Variants in CABIN1 observed in about 807,000 individuals in gnomAD.
CABIN1 encodes the protein calcineurin binding protein 1, also known as calcineurin-binding protein cabin-1.
CABIN1 carries 133 observed loss-of-function variants against 227.7 expected under a neutral mutation model. That is an observed-to-expected ratio of 0.58 (90% CI 0.51 to 0.67). The LOEUF (loss-of-function observed/expected upper bound fraction) is 0.67. Among genes scored for constraint, CABIN1 ranks in the 30% least tolerant of loss-of-function variants. The pLI is 0.00. For synonymous variants in CABIN1, 1,086 were observed against 1,155.1 expected, an observed-to-expected ratio of 0.94 and a Z score of 1.21; for missense variants, 2,408 against 2,852.5, an observed-to-expected ratio of 0.84 and a Z score of 3.55.
intron 28 of CABIN1, among the ~76,000 whole-genome samples, chr22:24,131,911 C>T (rs1294192966): frequency 1.3e-5 from 2 of 152,080 alleles, no homozygotes; most frequent in African/African-American, 4.8e-5. Context: ...ACTAAAAATA[C>T]AAAAATTAGC....
intron 29 of CABIN1, among the ~76,000 whole-genome samples, chr22:24,146,850 A>G (rs2045149002): frequency 1.3e-5 from 2 of 152,164 alleles, no homozygotes; most frequent in South Asian, 2.1e-4. Flanking sequence ...TCATGATCCC[A>G]TGGAATCCCC....
intron 25 of CABIN1, among the ~76,000 whole-genome samples, chr22:24,097,064 T>G (rs1302331095): frequency 1.3e-5 from 2 of 152,234 alleles, no homozygotes; most frequent in African/African-American, 4.8e-5. Flanking sequence ...CGTCCATGCA[T>G]GGCAGGCCAC....
intron 5 of CABIN1, among the ~76,000 whole-genome samples, chr22:24,042,047 G>A (rs1755357365): frequency 6.6e-6 from 1 of 152,174 alleles, no homozygotes; most frequent in South Asian, 2.1e-4. Context: ...GACTTCCCAG[G>A]CTCAAACGAT....
At chr22:24,085,378 G>T (rs770109331) in intron 22 of CABIN1, among the ~76,000 whole-genome samples, 5 of 152,208 alleles carry the variant, frequency 3.3e-5, no homozygotes, top group Non-Finnish European at 7.3e-5. Context: ...CCTCTGGGAG[G>T]GTTATTGGTA....
chr22:24,084,714 G>C lies in CABIN1; in HGVS notation c.3046G>C (p.Val1016Leu). ...ANLLKRIATI[V>L]PRTERPALSL... ...CCTACTGAAGAGAATTGCCACCATT[G>C]TGCCTCGCACAGAGAGGCCAGCCCT... is the stretch of plus-strand genomic sequence containing the variant. The change falls in exon 21 of 37, where the codon GTG becomes CTG. Residue 1016 changes from valine to leucine, a missense_variant. Val to Leu is a conservative substitution (Grantham distance 32). This residue lies in a region of CABIN1 where 649 missense variants were observed against 910.3 expected (regional missense o/e 0.71). Coordinates refer to ENST00000263119, the MANE Select transcript of CABIN1 (RefSeq NM_012295.4). 1 of 1,614,180 alleles carries C rather than the reference G, an allele frequency of 6.2e-7. No individual in the cohort carries two copies. Among genetic ancestry groups the C allele is most frequent in the Non-Finnish European group, 8.5e-7 (1 of 1,180,044 alleles).
chr22:24,114,424 CAG>C (rs1327214302), intron 27 of CABIN1, among the ~76,000 whole-genome samples: 1 of 152,024 alleles, frequency 6.6e-6, no homozygotes, highest in East Asian at 1.9e-4. Flanking sequence ...GTTCCTCAAA[CAG>C]TAATAACAAC....
chr22:24,177,562 G>T lies in CABIN1; in HGVS notation c.6264G>T (p.Glu2088Asp). 6.3e-7 allele frequency: 1 copy of T among 1,589,016 alleles called. No individual in the cohort carries two copies. Among genetic ancestry groups the T allele is most frequent in the Non-Finnish European group, 8.6e-7 (1 of 1,163,066 alleles). The change falls in exon 36 of 37, where the codon GAG becomes GAT. Residue 2088 changes from glutamate to aspartate, a missense_variant. Physicochemically the swap from Glu to Asp is conservative, Grantham distance 45 (BLOSUM62 2). Around this residue, in one of 3 missense-constraint regions of CABIN1, gnomAD observed 714 missense variants for 773.8 expected, o/e 0.92. Coordinates refer to ENST00000263119, the MANE Select transcript of CABIN1 (RefSeq NM_012295.4). This position sits in a 1 kb window ranked among gnomAD's most constrained non-coding sequence, Gnocchi z 4.4. The stretch of plus-strand genomic sequence containing the variant: ...GGGAGGCTCAGGAGGCTGCGAGTGA[G>T]ACTCAGCCCCTGAGCTCTCCCCCAA... ...RDGEAQEAAS[E>D]TQPLSSPPTA...
rs371943921 is a variant in CABIN1 at position 24,027,745 on chromosome 22, G to A, written c.-74-7699G>A. Among the ~76,000 whole-genome samples the A allele has an allele frequency of 9.2e-5, 14 of 152,328 alleles. No homozygotes were observed. In the East Asian group the frequency reaches 2.5e-3, roughly 27 times the overall value. On this transcript the variant is annotated intron_variant, in intron 1 of 36. Coordinates refer to ENST00000263119, the MANE Select transcript of CABIN1 (RefSeq NM_012295.4). The stretch of plus-strand genomic sequence containing the variant: ...CTCTCACCCTTCTGCCTTCCACCAC[G>A]CAGTGATGCAGTAAGGCCTTTGCCA...
At position 24,166,695 on chromosome 22, in the gene CABIN1, C is replaced by T. The variant is rs775644244; in HGVS notation, c.5064C>T (p.Thr1688=). The change falls in exon 32 of 37, where the codon ACC becomes ACT. Residue 1688 remains threonine, a synonymous_variant. Coordinates refer to ENST00000263119, the MANE Select transcript of CABIN1 (RefSeq NM_012295.4). The part of the protein sequence containing the change: ...VCGLPGARMT[T]DVSHKASPED... ...GCCTCCCCGGAGCCAGGATGACCAC[C>T]GATGTCTCACACAAGGCCAGTCCTG... The T allele has an allele frequency of 4.2e-5, 68 of 1,612,686 alleles. No homozygotes were observed. Among genetic ancestry groups the T allele is most frequent in the African/African-American group, 4.1e-4 (31 of 74,938 alleles).
intron 1 of CABIN1, among the ~76,000 whole-genome samples, chr22:24,015,083 GT>G (rs781410999): frequency 1.7e-4 from 26 of 151,772 alleles, no homozygotes; most frequent in Non-Finnish European, 3.4e-4. Context: ...GGCCAACATG[GT>G]GAAACCCCGT....
intron 29 of CABIN1, among the ~76,000 whole-genome samples, chr22:24,137,621 G>A (rs1029502386): frequency 1.3e-5 from 2 of 152,226 alleles, no homozygotes; most frequent in Non-Finnish European, 2.9e-5. Flanking sequence ...TTTTACCATC[G>A]TTTGGGGCCT....
intron 1 of CABIN1, among the ~76,000 whole-genome samples, chr22:24,029,496 G>A (rs550602735): frequency 6.6e-6 from 1 of 152,198 alleles, no homozygotes; most frequent in South Asian, 2.1e-4. Context: ...AGGCTGCAGT[G>A]AGCTGAGGTG....
rs79145620 is a variant in CABIN1, at chr22:24,032,052, A to G, written c.-74-3392A>G. On this transcript the variant is annotated intron_variant, in intron 1 of 36. Transcript: ENST00000263119. ...TGTACAGCTCAGTGGCATTATGTAC[A>G]TTCACATTGTTGTGTTACCATCACC... Among the ~76,000 whole-genome samples, 434 of 152,360 alleles carry G rather than the reference A, an allele frequency of 2.8e-3. 2 individuals are homozygous for G. The highest frequency in any genetic ancestry group is 9.3e-3 in the African/African-American group (387 of 41,582).
At chr22:24,067,215 C>G (rs757070824) in intron 16 of CABIN1, 34 bp downstream of exon 16, 2 of 1,603,102 alleles carry the variant, frequency 1.2e-6, no homozygotes, top group African/African-American at 2.7e-5. Flanking sequence ...CACCCACTTG[C>G]ACCTTCTCTC....
intron 16 of CABIN1, among the ~76,000 whole-genome samples, chr22:24,070,065 C>CA (rs66725021): frequency 0.052 from 6,025 of 115,244 alleles, 290 homozygotes; most frequent in East Asian, 0.23. Context: ...TATTCTAGGC[C>CA]AAAAAAAAAA....
At chr22:24,023,099 A>C (rs1166128777) in intron 1 of CABIN1, among the ~76,000 whole-genome samples, 3 of 152,200 alleles carry the variant, frequency 2.0e-5, no homozygotes, top group Non-Finnish European at 1.5e-5. Flanking sequence ...CCCTTCTTGC[A>C]GGCTGTGGTA....
intron 1 of CABIN1, among the ~76,000 whole-genome samples, chr22:24,014,538 A>T (rs1428755439): frequency 1.3e-5 from 2 of 151,966 alleles, no homozygotes; most frequent in African/African-American, 4.8e-5. Context: ...TAGCCTATCC[A>T]GTCAAGATAC....
chr22:24,136,739 G>A (rs200925488), intron 29 of CABIN1, among the ~76,000 whole-genome samples: 17 of 139,636 alleles, frequency 1.2e-4, no homozygotes, highest in South Asian at 2.3e-4. Context: ...ACACACACAC[G>A]CACACACACA....
intron 29 of CABIN1, among the ~76,000 whole-genome samples, chr22:24,138,132 C>T (rs1180530129): frequency 6.6e-6 from 1 of 152,188 alleles, no homozygotes; most frequent in Non-Finnish European, 1.5e-5. Flanking sequence ...CACGTGCCTT[C>T]TGTTATTTTT....
Sources: allele counts gnomAD v4.1 joint callset (sites outside exome capture counted in the v4.1 genomes callset), GRCh38; gene constraint gnomAD v4.1.1; regional missense constraint gnomAD v4.1.1; non-coding constraint Gnocchi (gnomAD v3.1); transcripts MANE v1.5; gene names NCBI Gene and HGNC (gene_info 2026-07-23, HGNC 2026-07-21).